Variants in SPNS3 observed in about 807,000 individuals in gnomAD.
SPNS3 encodes the protein protein spinster homolog 3.
A neutral mutation model predicts 54.4 loss-of-function variants in SPNS3; 51 were observed. That is an observed-to-expected ratio of 0.94 (90% CI 0.75 to 1.18). The LOEUF is 1.18. SPNS3 is among the 50% of genes most tolerant of loss of function. The pLI is 0.00. For synonymous variants in SPNS3, 309 were observed against 294.7 expected, an observed-to-expected ratio of 1.05 and a Z score of -0.50; for missense variants, 669 against 677.4, an observed-to-expected ratio of 0.99 and a Z score of 0.14.
At position 4,478,609 on chromosome 17, in the gene SPNS3, A is replaced by G. The variant is rs781016018; in HGVS notation, c.1151A>G (p.Asn384Ser). ...CTTGGGGAGCTGCTTCTGTCCTGCA[A>G]CTGGGCAGTGGTTGCCGACATCCTG... ...LGLGELLLSC[N>S]WAVVADILLS... The change falls in exon 9 of 12, where the codon AAC (asparagine) becomes AGC (serine). Residue 384 changes from asparagine to serine, a missense_variant. Transcript: ENST00000355530. The G allele has an allele frequency of 9.4e-6, 15 of 1,589,650 alleles. No individual in the cohort carries two copies. The African/African-American group carries it at 1.7e-4, about 18-fold the overall frequency.
At position 4,446,948 on chromosome 17, in the gene SPNS3, C is replaced by T. The variant is rs755397377; in HGVS notation, c.607C>T (p.Arg203Cys). ...SAVTMLTGNW[R>C]WALRVMPCLE... ...TGTGACGATGCTGACTGGGAACTGGCGCTGGGCCCTCCGAGTGAGTCCAGC... is the reference window on the plus strand; with the variant it reads ...TGTGACGATGCTGACTGGGAACTGGTGCTGGGCCCTCCGAGTGAGTCCAGC... Residue 203 changes from arginine (R) to cysteine (C), a missense_variant, in exon 5 of 12, where the codon CGC (arginine) becomes TGC (cysteine). By Grantham distance (180) the Arg-to-Cys change is radical. Coordinates refer to ENST00000355530, the MANE Select transcript of SPNS3 (RefSeq NM_182538.5). 9 of 1,614,108 alleles carry T rather than the reference C, an allele frequency of 5.6e-6. No individual in the cohort carries two copies. The South Asian group carries it at 6.6e-5, about 12-fold the overall frequency.
intron 2 of SPNS3, among the ~76,000 whole-genome samples, chr17:4,443,101 C>T (rs1366372614): frequency 6.6e-6 from 1 of 151,754 alleles, no homozygotes; most frequent in Non-Finnish European, 1.5e-5. Flanking sequence ...GAGAGACTCT[C>T]GCTCTGTCAC....
Position 4,458,552 on chromosome 17 carries a change from C to T in SPNS3, c.1113+5347C>T, listed in dbSNP as rs1304103193. ...CCTTCCTTCCTTCCTTCCTTTCCTT[C>T]CTTTCTTCCTTCCCTCCTTTCTTTC... On this transcript the variant is annotated intron_variant, in intron 8 of 11. Transcript: ENST00000355530. Among the ~76,000 whole-genome samples, 26 of 106,722 alleles carry T rather than the reference C, an allele frequency of 2.4e-4. 1 individual carries two copies. The highest frequency in any genetic ancestry group is 4.5e-3 in the Middle Eastern group (1 of 222). The allele number at this position is 106,722 out of a possible 152,430, so 70.0% of individuals were successfully genotyped here.
At chr17:4,476,823 G>A (rs551370269) in intron 8 of SPNS3, among the ~76,000 whole-genome samples, 3 of 152,292 alleles carry the variant, frequency 2.0e-5, no homozygotes, top group East Asian at 3.9e-4. Flanking sequence ...CCAGGAGAGC[G>A]CATGGCTGCT....
At chr17:4,482,080 G>GA (rs1185190505) in intron 9 of SPNS3, 1 of 151,684 alleles carries the variant, frequency 6.6e-6, no homozygotes, top group Non-Finnish European at 1.5e-5. Context: ...GTAGAGACGG[G>GA]GTTCACCATG....
chr17:4,454,179 A>C (rs1256298383), intron 8 of SPNS3, among the ~76,000 whole-genome samples: 1 of 152,218 alleles, frequency 6.6e-6, no homozygotes, highest in Non-Finnish European at 1.5e-5. Flanking sequence ...ACCAAGGTTT[A>C]TGGGGCCTGT....
At chr17:4,463,407 A>AAC (rs1555531339) in intron 8 of SPNS3, among the ~76,000 whole-genome samples, 4,024 of 143,940 alleles carry the variant, frequency 0.028, 97 homozygotes, top group African/African-American at 0.064. Flanking sequence ...AAAAAAAAAA[A>AAC]AAAACAAAAC....
chr17:4,482,505 T>G (rs1424604209), intron 9 of SPNS3: 1 of 152,062 alleles, frequency 6.6e-6, no homozygotes, highest in Non-Finnish European at 1.5e-5. Context: ...CTTTGCCAAA[T>G]TCTAGCCATC....
intron 2 of SPNS3, 42 bp from the exon 3 acceptor site, chr17:4,444,990 G>C (rs200749624): frequency 2.5e-6 from 4 of 1,581,244 alleles, no homozygotes; most frequent in Admixed American, 1.8e-5. Context: ...GCCCTGCCAC[G>C]GTCGTGGGGG....
chr17:4,468,485 A>G (rs1971745143), intron 8 of SPNS3, among the ~76,000 whole-genome samples: 1 of 151,974 alleles, frequency 6.6e-6, no homozygotes, highest in Non-Finnish European at 1.5e-5. Context: ...ACTGGGTGTG[A>G]AAGAAAGGAA....
At chr17:4,441,251 A>G (rs536722101) in intron 2 of SPNS3, among the ~76,000 whole-genome samples, 1 of 152,336 alleles carries the variant, frequency 6.6e-6, no homozygotes, top group East Asian at 1.9e-4. Flanking sequence ...AGCCAGGTGC[A>G]GTGGCTCACG....
chr17:4,447,005 C>A (rs1971013859), intron 5 of SPNS3, 43 bp downstream of exon 5: 1 of 1,606,362 alleles, frequency 6.2e-7, no homozygotes. Flanking sequence ...TCCCTCTGGA[C>A]CGGCAGGGAC....
chr17:4,468,742 T>TTTCTTTCTTTCG (rs1491585172), intron 8 of SPNS3, among the ~76,000 whole-genome samples: 2 of 141,778 alleles, frequency 1.4e-5, no homozygotes, highest in East Asian at 4.0e-4. Context: ...TCTTTCTTTC[T>TTTCTTTCTTTCG]TTCTTTCTTT....
chr17:4,477,267 G>A (rs1198409506), intron 8 of SPNS3, among the ~76,000 whole-genome samples: 2 of 152,210 alleles, frequency 1.3e-5, no homozygotes, highest in African/African-American at 2.4e-5. Flanking sequence ...CAGGGCACCT[G>A]ACCTGAGGGG....
chr17:4,469,620 C>CAAAA (rs551056606), intron 8 of SPNS3, among the ~76,000 whole-genome samples: 10 of 66,808 alleles, frequency 1.5e-4, no homozygotes, highest in African/African-American at 1.6e-4. Flanking sequence ...GACTCCATCT[C>CAAAA]AAAAAAAAAA....
In SPNS3 at chr17:4,486,203, C is replaced by A. The variant is rs1972307017; in HGVS notation, c.1180-25C>A. ...CAAGGGTGCCCTCACTTGGGGTGCC[C>A]CCCTGCTGTGCCTATGTTTTGCAGT... On this transcript the variant is annotated intron_variant, in intron 9 of 11. Transcript: ENST00000355530. This position sits in a 1 kb window ranked among gnomAD's most constrained non-coding sequence, Gnocchi z 5.5. 2 of 1,514,442 alleles carry A rather than the reference C, an allele frequency of 1.3e-6. No homozygotes were observed. Among genetic ancestry groups the A allele is most frequent in the Admixed American group, 2.3e-5 (1 of 43,954 alleles). The allele number at this position is 1,514,442 out of a possible 1,614,324, so 93.8% of individuals were successfully genotyped here.
intron 8 of SPNS3, among the ~76,000 whole-genome samples, chr17:4,460,391 C>T (rs1203058455): frequency 6.6e-6 from 1 of 151,078 alleles, no homozygotes; most frequent in Non-Finnish European, 1.5e-5. Context: ...ATATGTTTGC[C>T]ATGGTCATTG....
At chr17:4,453,601 G>T (rs946547128) in intron 8 of SPNS3, among the ~76,000 whole-genome samples, 4 of 145,088 alleles carry the variant, frequency 2.8e-5, no homozygotes, top group African/African-American at 1.1e-4. Context: ...CTGGGCAATG[G>T]AGCAAGACTC....
In SPNS3 at chr17:4,453,110, G is replaced by C. The variant is rs1971211735; in HGVS notation, c.1018G>C (p.Ala340Pro). ...ARRYKKVIPG[A>P]EPLICASSLL... Reference sequence around the variant, plus strand: ...GAGGTACAAGAAAGTCATTCCAGGAGCTGAGCCCCTCATCTGCGCCTCCAG... The same window carrying C: ...GAGGTACAAGAAAGTCATTCCAGGACCTGAGCCCCTCATCTGCGCCTCCAG... The change falls in exon 8 of 12, where the codon GCT (alanine) becomes CCT (proline). Residue 340 changes from alanine (A) to proline (P), a missense_variant. Coordinates refer to ENST00000355530, the MANE Select transcript of SPNS3 (RefSeq NM_182538.5). 4 of 1,614,006 alleles carry C rather than the reference G, an allele frequency of 2.5e-6. No homozygotes were observed.
Sources: gnomAD v4.1 joint callset for allele counts (sites outside exome capture counted in the v4.1 genomes callset) on GRCh38, gnomAD v4.1.1 for gene constraint, Gnocchi (gnomAD v3.1) non-coding constraint, MANE v1.5 for transcripts, NCBI Gene and HGNC (gene_info 2026-07-23, HGNC 2026-07-21) for gene names.